The following MAF variants were observed in gnomAD, a reference collection of about 807,000 sequenced individuals.
MAF encodes transcription factor Maf.
A neutral mutation model predicts 22.0 loss-of-function variants in MAF; 10 were observed. The ratio of observed to expected loss-of-function variants is 0.45; its 90% CI spans 0.28 to 0.77. The LOEUF (loss-of-function observed/expected upper bound fraction) is 0.77. MAF is among the 30% of genes least tolerant of loss of function. The pLI is 0.12. For missense variants in MAF, 544 were observed against 548.4 expected (o/e 0.99, Z 0.08); for synonymous variants, 337 against 255.8 (o/e 1.32, Z -3.03).
the MAF span, among the ~76,000 whole-genome samples, chr16:79,435,902 A>G: frequency 6.6e-6 from 1 of 152,176 alleles, no homozygotes; most frequent in Non-Finnish European, 1.5e-5. Context: ...TTGGCCTTCA[A>G]TTCACAGGTA....
At chr16:79,222,071 C>T in the MAF span, among the ~76,000 whole-genome samples, 2 of 151,994 alleles carry the variant, frequency 1.3e-5, no homozygotes, top group Non-Finnish European at 2.9e-5. Context: ...CATGAAATAA[C>T]GTTGTGGGAG....
intron 1 of MAF, chr16:79,596,788 CA>C: frequency 2.9e-6 from 3 of 1,047,336 alleles, no homozygotes; most frequent in Non-Finnish European, 3.5e-6. Flanking sequence ...TTCTGCACCA[CA>C]ATACAACTGT....
the MAF span, among the ~76,000 whole-genome samples, chr16:79,491,541 C>G: frequency 6.6e-6 from 1 of 152,108 alleles, no homozygotes; most frequent in Admixed American, 6.5e-5. Context: ...CACCAACATC[C>G]CAGGTAGAAC....
chr16:79,503,352 TA>T, the MAF span, among the ~76,000 whole-genome samples: 8 of 152,198 alleles, frequency 5.3e-5, no homozygotes, highest in African/African-American at 1.9e-4. Flanking sequence ...TTAGATAAGT[TA>T]AAATTTTTAT....
chr16:79,421,109 C>G, the MAF span, among the ~76,000 whole-genome samples: 1 of 151,958 alleles, frequency 6.6e-6, no homozygotes, highest in African/African-American at 2.4e-5. Context: ...TTATTATTAG[C>G]CGTTGTTAAT....
At chr16:79,352,208 G>A in the MAF span, among the ~76,000 whole-genome samples, 1 of 152,162 alleles carries the variant, frequency 6.6e-6, no homozygotes, top group African/African-American at 2.4e-5. Context: ...TCAGCTTCAG[G>A]AGGGTTTAGG....
At chr16:79,424,492 T>A in the MAF span, among the ~76,000 whole-genome samples, 1 of 152,228 alleles carries the variant, frequency 6.6e-6, no homozygotes, top group Non-Finnish European at 1.5e-5. Context: ...AATTAGAAGT[T>A]ATATTTTATG....
At chr16:79,443,808 C>A in the MAF span, among the ~76,000 whole-genome samples, 1 of 152,280 alleles carries the variant, frequency 6.6e-6, no homozygotes, top group African/African-American at 2.4e-5. Context: ...AATAGTCACA[C>A]CTACCTCACA....
chr16:79,235,982 G>A, the MAF span, among the ~76,000 whole-genome samples: 21 of 152,074 alleles, frequency 1.4e-4, no homozygotes, highest in South Asian at 8.3e-4. Flanking sequence ...CTCTGCCACC[G>A]TACCAGCAAT....
At chr16:79,482,434 T>C in the MAF span, among the ~76,000 whole-genome samples, 2 of 152,140 alleles carry the variant, frequency 1.3e-5, no homozygotes, top group Admixed American at 1.3e-4. Context: ...ACCTGGTCTT[T>C]TACAAAACCT....
At chr16:79,283,764 G>T in the MAF span, among the ~76,000 whole-genome samples, 2 of 152,020 alleles carry the variant, frequency 1.3e-5, no homozygotes, top group East Asian at 3.9e-4. Context: ...CTAAGCACAG[G>T]CCGCACAGAA....
the MAF span, among the ~76,000 whole-genome samples, chr16:79,544,748 G>A: frequency 2.0e-5 from 3 of 147,242 alleles, no homozygotes; most frequent in Non-Finnish European, 4.5e-5. Flanking sequence ...ACTCCAGCCT[G>A]GGCGACAGAG....
the MAF span, chr16:79,211,642 C>T: frequency 6.2e-7 from 1 of 1,614,228 alleles, no homozygotes; most frequent in African/African-American, 1.3e-5. Flanking sequence ...TACTGTGCTG[C>T]TGTCCCAGAA....
chr16:79,206,815 C>T, the MAF span: 1 of 151,516 alleles, frequency 6.6e-6, no homozygotes, highest in Non-Finnish European at 1.5e-5. Context: ...GCCAGGGAGG[C>T]CTATGAGCCT....
chr16:79,357,253 C>CACA, the MAF span, among the ~76,000 whole-genome samples: 10,899 of 145,740 alleles, frequency 0.075, 465 homozygotes, highest in East Asian at 0.095. Context: ...AAGACTCTGT[C>CACA]ACAACAACAA....
At chr16:79,233,329 C>G in the MAF span, among the ~76,000 whole-genome samples, 1 of 151,900 alleles carries the variant, frequency 6.6e-6, no homozygotes, top group African/African-American at 2.4e-5. Flanking sequence ...GCTATGTTAG[C>G]CCTAGAGTTC....
At chr16:79,472,524 G>C in the MAF span, among the ~76,000 whole-genome samples, 2 of 152,094 alleles carry the variant, frequency 1.3e-5, no homozygotes, top group Non-Finnish European at 2.9e-5. Flanking sequence ...GGTACAAAGA[G>C]CAATGTTGTA....
the MAF span, among the ~76,000 whole-genome samples, chr16:79,325,907 C>G: frequency 2.6e-5 from 4 of 152,146 alleles, no homozygotes; most frequent in Admixed American, 1.3e-4. Flanking sequence ...AGGAAGGTAT[C>G]TTACCAGGAT....
At chr16:79,516,018 A>G in the MAF span, 1 of 145,392 alleles carries the variant, frequency 6.9e-6, no homozygotes, top group African/African-American at 2.6e-5. Context: ...AGAGAGATGA[A>G]GCTCCTGGCT....
Sources: gnomAD v4.1 joint callset for allele counts (sites outside exome capture counted in the v4.1 genomes callset) on GRCh38, gnomAD v4.1.1 for gene constraint, MANE v1.5 for transcripts, NCBI Gene and HGNC (gene_info 2026-07-23, HGNC 2026-07-21) for gene names.